PRH1: variants seen among roughly 807,000 people sequenced by gnomAD.
The protein encoded by PRH1 is proline rich protein HaeIII subfamily 1, also known as salivary acidic proline-rich phosphoprotein 1/2.
Under a neutral mutation model 7.9 loss-of-function variants are expected in PRH1, and 7 were observed. That is an observed-to-expected ratio of 0.89 (90% CI 0.50 to 1.67). The LOEUF is 1.67. Ranked by LOEUF, PRH1 falls within the 40% of genes most tolerant of loss-of-function variation. The pLI, the probability that PRH1 is intolerant of heterozygous loss-of-function variation, is 0.00. For missense variants in PRH1, 109 were observed against 223.6 expected, an observed-to-expected ratio of 0.49 and a Z score of 3.27; for synonymous variants, 45 against 80.8, an observed-to-expected ratio of 0.56 and a Z score of 2.38.
chr12:10,915,376 G>A (rs1166696444), intron 2 of PRH1, among the ~76,000 whole-genome samples: 1 of 152,190 alleles, frequency 6.6e-6, no homozygotes, highest in African/African-American at 2.4e-5. Context: ...GAAAAGCAGA[G>A]GGGTGAAAAA....
chr12:11,022,204 T>C, intron 1 of PRH1: 1 of 1,614,088 alleles, frequency 6.2e-7, no homozygotes, highest in Non-Finnish European at 8.5e-7. Flanking sequence ...CTTAATTCTC[T>C]TCTTTAGGTG....
At chr12:11,171,126 T>G in intron 1 of PRH1, 4 of 391,928 alleles carry the variant, frequency 1.0e-5, no homozygotes, top group Non-Finnish European at 9.0e-6. Context: ...TACCATCAGT[T>G]GAGCTCTAAA....
chr12:10,951,794 T>G (rs1478044797), intron 2 of PRH1, among the ~76,000 whole-genome samples: 9 of 152,228 alleles, frequency 5.9e-5, no homozygotes, highest in African/African-American at 2.2e-4. Flanking sequence ...TATGAATATT[T>G]GGATATTTTT....
At chr12:10,957,940 G>A (rs974559221) in intron 2 of PRH1, among the ~76,000 whole-genome samples, 1 of 152,086 alleles carries the variant, frequency 6.6e-6, no homozygotes, top group African/African-American at 2.4e-5. Context: ...GTGGTGAAAG[G>A]GAATGCTTTC....
At chr12:10,938,807 A>G in intron 2 of PRH1, 3 of 1,613,486 alleles carry the variant, frequency 1.9e-6, no homozygotes, top group Non-Finnish European at 2.5e-6. Flanking sequence ...AGTCACAAGA[A>G]GCAGCACCAA....
chr12:11,071,591 G>C (rs1486466078), intron 1 of PRH1, among the ~76,000 whole-genome samples: 1 of 152,140 alleles, frequency 6.6e-6, no homozygotes, highest in Non-Finnish European at 1.5e-5. Flanking sequence ...CTCTCCTGGG[G>C]GAAGGTGACA....
chr12:11,126,120 T>C (rs558960291), intron 1 of PRH1, among the ~76,000 whole-genome samples: 162 of 152,380 alleles, frequency 1.1e-3, no homozygotes, highest in African/African-American at 3.8e-3. Flanking sequence ...AAAAAAATTA[T>C]AGCATTAAGG....
At position 11,096,729 on chromosome 12, in the gene PRH1, T is replaced by C. The variant is rs1364949765; in HGVS notation, n.124-49541A>G. On this transcript the variant is annotated intron_variant and non_coding_transcript_variant, in intron 1 of 4. Coordinates refer to the PRH1 transcript ENST00000541977. ...ATCTCAAAATGTCATTAATTACATATAGAATCTCAACCACAGCTCCATCAT... is the reference window on the plus strand; with the variant it reads ...ATCTCAAAATGTCATTAATTACATACAGAATCTCAACCACAGCTCCATCAT... Among the ~76,000 whole-genome samples the C allele has an allele frequency of 2.6e-5, 3 of 115,720 alleles. 1 individual carries two copies. The South Asian group carries it at 7.0e-4, about 27-fold the overall frequency. The allele number at this position is 115,720 out of a possible 152,430, so 75.9% of individuals were successfully genotyped here.
intron 1 of PRH1, among the ~76,000 whole-genome samples, chr12:11,109,032 C>T (rs1030003966): frequency 2.0e-4 from 31 of 152,204 alleles, no homozygotes; most frequent in Admixed American, 7.2e-4. Context: ...TTTCCCCTTA[C>T]GGTGTAAACA....
At chr12:11,045,300 G>A (rs1217703225) in intron 1 of PRH1, among the ~76,000 whole-genome samples, 2 of 143,634 alleles carry the variant, frequency 1.4e-5, no homozygotes, top group East Asian at 2.1e-4. Context: ...GGGAAGGAGT[G>A]GCTGGTTAAT....
intron 1 of PRH1, among the ~76,000 whole-genome samples, chr12:11,084,301 TG>T (rs1181993890): frequency 1.7e-4 from 23 of 136,258 alleles, no homozygotes; most frequent in Admixed American, 1.2e-3. Context: ...TCTGAGCACT[TG>T]CTTCCAACAG....
intron 1 of PRH1, among the ~76,000 whole-genome samples, chr12:11,072,931 AT>A (rs1944139066): frequency 1.3e-5 from 2 of 152,000 alleles, no homozygotes; most frequent in South Asian, 4.2e-4. Flanking sequence ...CATCATGTTA[AT>A]TTATTAATAA....
Position 11,089,881 on chromosome 12 carries a change from G to C in PRH1, n.124-42693C>G, listed in dbSNP as rs548043481. Among the ~76,000 whole-genome samples, 38 of 87,146 alleles carry C rather than the reference G, an allele frequency of 4.4e-4. 11 individuals are homozygous for C. Among genetic ancestry groups the C allele is most frequent in the African/African-American group, 8.1e-4 (24 of 29,536 alleles). The allele number at this position is 87,146 out of a possible 152,430, so 57.2% of individuals were successfully genotyped here. ...AGCTGCATCAAGACTATATTATTGT[G>C]ATATTTCCCCTAAAATTGTGGAATA... On this transcript the variant is annotated intron_variant and non_coding_transcript_variant, in intron 1 of 4. Coordinates refer to the PRH1 transcript ENST00000541977.
rs541648927 is a variant in PRH1 at position 10,929,713 on chromosome 12, T to C, written c.-59+43942A>G. 3.3e-5 allele frequency among the ~76,000 whole-genome samples: 5 copies of C among 152,240 alleles called. 1 individual carries two copies. The highest frequency in any genetic ancestry group is 3.3e-4 in the Admixed American group (5 of 15,280). ...GGCCTTGCTGGACAGTGGATGAGTA[T>C]CCATGAAGGAGATAAACACATGTCA... On this transcript the variant is annotated intron_variant, in intron 2 of 3. Transcript: ENST00000539853.
chr12:11,133,771 A>G, intron 1 of PRH1: 1 of 1,614,200 alleles, frequency 6.2e-7, no homozygotes, highest in Non-Finnish European at 8.5e-7. Context: ...CGTTTCCTTC[A>G]TATTCTTTTG....
chr12:10,983,323 G>A (rs558661130), intron 1 of PRH1, among the ~76,000 whole-genome samples: 1 of 152,334 alleles, frequency 6.6e-6, no homozygotes, highest in East Asian at 1.9e-4. Flanking sequence ...GTGCAACTGT[G>A]AAGTCATATG....
chr12:11,132,150 T>C (rs755103148), intron 1 of PRH1, among the ~76,000 whole-genome samples: 35 of 152,206 alleles, frequency 2.3e-4, no homozygotes, highest in Non-Finnish European at 2.9e-5. Context: ...GACTGTACAT[T>C]TCCTTCTTAT....
intron 1 of PRH1, among the ~76,000 whole-genome samples, chr12:11,032,479 A>T (rs540455713): frequency 6.6e-6 from 1 of 152,310 alleles, no homozygotes; most frequent in South Asian, 2.1e-4. Context: ...CATTATTCAC[A>T]AACTCATAAA....
intron 1 of PRH1, among the ~76,000 whole-genome samples, chr12:11,026,506 T>C (rs975928652): frequency 8.1e-5 from 12 of 148,080 alleles, no homozygotes; most frequent in Middle Eastern, 3.4e-3. Flanking sequence ...GACATTATTA[T>C]AGCAGGACCA....
Sources: gnomAD v4.1 joint callset for allele counts (sites outside exome capture counted in the v4.1 genomes callset) on GRCh38, gnomAD v4.1.1 for gene constraint, MANE v1.5 for transcripts, NCBI Gene and HGNC (gene_info 2026-07-23, HGNC 2026-07-21) for gene names.